Variants in SH3BGRL2 observed in about 807,000 individuals in gnomAD.
SH3BGRL2 encodes the protein SH3 domain binding glutamate rich protein like 2, also known as SH3 domain-binding glutamic acid-rich-like protein 2.
In SH3BGRL2, 21 loss-of-function variants were observed where a neutral mutation model predicts 14.8. The ratio of observed to expected loss-of-function variants is 1.42; its 90% CI spans 1.01 to 2.05. SH3BGRL2 has a LOEUF of 2.05. Ranked by LOEUF, SH3BGRL2 falls within the 30% of genes most tolerant of loss-of-function variation. The probability of loss-of-function intolerance (pLI) is 0.00; values close to 1 mark genes in which losing one functional copy is unlikely to be tolerated. For missense variants in SH3BGRL2, 147 were observed against 130.8 expected, an observed-to-expected ratio of 1.12 and a Z score of -0.61; for synonymous variants, 50 against 47.8, an observed-to-expected ratio of 1.05 and a Z score of -0.19.
At chr6:79,612,147 A>C in the SH3BGRL2 span, among the ~76,000 whole-genome samples, 1 of 152,064 alleles carries the variant, frequency 6.6e-6, no homozygotes, top group Non-Finnish European at 1.5e-5. Context: ...AATACAAAAA[A>C]TTAGCTGGGC....
chr6:79,585,629 A>G, the SH3BGRL2 span, among the ~76,000 whole-genome samples: 1 of 152,140 alleles, frequency 6.6e-6, no homozygotes, highest in Non-Finnish European at 1.5e-5. Context: ...TCTGTTCCCC[A>G]TCTTCTCCAT....
intron 1 of SH3BGRL2, 96 bp downstream of exon 1, chr6:79,631,602 C>CG (rs199667875): frequency 7.8e-6 from 8 of 1,029,542 alleles, no homozygotes; most frequent in East Asian, 7.0e-5. Flanking sequence ...TTGCGCTCAG[C>CG]CGGTCCGCCC....
the SH3BGRL2 span, among the ~76,000 whole-genome samples, chr6:79,585,848 GC>G: frequency 6.6e-6 from 1 of 151,684 alleles, no homozygotes; most frequent in South Asian, 2.1e-4. Context: ...GCTACATGTG[GC>G]CCAGGACAGC....
intron 2 of SH3BGRL2, among the ~76,000 whole-genome samples, chr6:79,681,156 A>G (rs921747491): frequency 3.3e-5 from 5 of 152,166 alleles, no homozygotes; most frequent in Admixed American, 1.3e-4. Flanking sequence ...AGAAAAACCA[A>G]GTGGGGTGGA....
At chr6:79,680,976 G>A (rs1023434791) in intron 2 of SH3BGRL2, among the ~76,000 whole-genome samples, 1 of 151,990 alleles carries the variant, frequency 6.6e-6, no homozygotes, top group Non-Finnish European at 1.5e-5. Flanking sequence ...TTAACTGGTG[G>A]TTGGAAATGG....
chr6:79,643,380 C>T (rs1039633557), intron 1 of SH3BGRL2, among the ~76,000 whole-genome samples: 2 of 152,082 alleles, frequency 1.3e-5, no homozygotes, highest in African/African-American at 4.8e-5. Context: ...TGTCTGAGCT[C>T]AAGCTGTAAT....
At chr6:79,562,533 A>G in the SH3BGRL2 span, among the ~76,000 whole-genome samples, 5 of 152,206 alleles carry the variant, frequency 3.3e-5, no homozygotes, top group African/African-American at 1.2e-4. Flanking sequence ...AACCAGATCA[A>G]TGTTGGTTTC....
At chr6:79,619,826 G>C in the SH3BGRL2 span, among the ~76,000 whole-genome samples, 15 of 152,194 alleles carry the variant, frequency 9.9e-5, 1 homozygote, top group Admixed American at 2.6e-4. Context: ...AGACATAAGT[G>C]GGAATCACTT....
chr6:79,547,073 G>A, the SH3BGRL2 span, among the ~76,000 whole-genome samples: 2 of 152,234 alleles, frequency 1.3e-5, no homozygotes, highest in Admixed American at 6.5e-5. Flanking sequence ...TGAGGCATCC[G>A]TAGAGACTAT....
the SH3BGRL2 span, among the ~76,000 whole-genome samples, chr6:79,556,666 C>T: frequency 6.6e-6 from 1 of 151,922 alleles, no homozygotes; most frequent in African/African-American, 2.4e-5. Context: ...CCTTAAAGAT[C>T]TTCCTAAAAA....
At chr6:79,684,043 C>T (rs1770045578) in intron 2 of SH3BGRL2, among the ~76,000 whole-genome samples, 1 of 152,114 alleles carries the variant, frequency 6.6e-6, no homozygotes, top group Non-Finnish European at 1.5e-5. Context: ...AAGCAAAAGT[C>T]CAAAATTGTA....
chr6:79,593,748 A>G, the SH3BGRL2 span, among the ~76,000 whole-genome samples: 1 of 152,232 alleles, frequency 6.6e-6, no homozygotes, highest in Non-Finnish European at 1.5e-5. Flanking sequence ...GTGCCAATGT[A>G]TATTGCCCAA....
At chr6:79,569,517 C>T in the SH3BGRL2 span, among the ~76,000 whole-genome samples, 1 of 152,012 alleles carries the variant, frequency 6.6e-6, no homozygotes, top group Non-Finnish European at 1.5e-5. Flanking sequence ...GGCCTGCTAT[C>T]GGTTATGTTA....
the SH3BGRL2 span, among the ~76,000 whole-genome samples, chr6:79,538,842 A>G: frequency 6.6e-6 from 1 of 152,248 alleles, no homozygotes; most frequent in Admixed American, 6.5e-5. Flanking sequence ...GACTCCAGAC[A>G]GGTATTGTTA....
At chr6:79,587,800 C>G in the SH3BGRL2 span, among the ~76,000 whole-genome samples, 1 of 152,052 alleles carries the variant, frequency 6.6e-6, no homozygotes, top group Non-Finnish European at 1.5e-5. Flanking sequence ...AAATGAAGAC[C>G]TAAAGAAGCA....
the SH3BGRL2 span, among the ~76,000 whole-genome samples, chr6:79,579,652 C>A: frequency 6.6e-6 from 1 of 152,098 alleles, no homozygotes. Context: ...GAAGGAAGCA[C>A]TAAACATGGA....
chr6:79,695,022 A>G (rs1770303614), intron 2 of SH3BGRL2, among the ~76,000 whole-genome samples: 1 of 152,202 alleles, frequency 6.6e-6, no homozygotes, highest in African/African-American at 2.4e-5. Context: ...ATAAAATTCA[A>G]GATCATTTTC....
In SH3BGRL2 at chr6:79,644,587, G is replaced by A. The variant is rs1769091196; in HGVS notation, c.45+13081G>A. The stretch of plus-strand genomic sequence containing the variant: ...GAAATTTGTGTGATACAAGGGCAGT[G>A]ATGAGTAGAAAGAATGTAGACTCCA... On this transcript the variant is annotated intron_variant, in intron 1 of 3. Transcript: ENST00000369838. Among the ~76,000 whole-genome samples the A allele has an allele frequency of 2.0e-5, 3 of 152,166 alleles. No homozygotes were observed. In the South Asian group the frequency reaches 6.2e-4, roughly 32 times the overall value.
At chr6:79,608,823 A>G in the SH3BGRL2 span, among the ~76,000 whole-genome samples, 1 of 152,192 alleles carries the variant, frequency 6.6e-6, no homozygotes, top group African/African-American at 2.4e-5. Flanking sequence ...ATTTTGATTC[A>G]TTAGATATAG....
Sources: gnomAD v4.1 joint callset for allele counts (sites outside exome capture counted in the v4.1 genomes callset) on GRCh38, gnomAD v4.1.1 for gene constraint, MANE v1.5 for transcripts, NCBI Gene and HGNC (gene_info 2026-07-23, HGNC 2026-07-21) for gene names.